Variants in RYR2 observed in about 807,000 individuals in gnomAD.
The protein encoded by RYR2 is cardiac muscle ryanodine receptor-calcium release channel.
In RYR2, 227 loss-of-function variants were observed where a neutral mutation model predicts 601.1. The ratio of observed to expected loss-of-function variants is 0.38; its 90% CI spans 0.34 to 0.42. The LOEUF is 0.42. RYR2 is among the 10% of genes least tolerant of loss of function. RYR2 has a pLI of 1.00. For missense variants in RYR2, 4,646 were observed against 6,156.5 expected, an observed-to-expected ratio of 0.75 and a Z score of 8.21; for synonymous variants, 2,223 against 2,175.1, an observed-to-expected ratio of 1.02 and a Z score of -0.61.
chr1:237,554,489 T>G (rs1487163917), intron 27 of RYR2, among the ~76,000 whole-genome samples: 4 of 151,976 alleles, frequency 2.6e-5, no homozygotes, highest in Non-Finnish European at 5.9e-5. Context: ...TTGATATCAA[T>G]GTAAATCTAG....
chr1:237,730,437 C>A (rs1264116464), intron 77 of RYR2, 81 bp downstream of exon 77: 11 of 713,814 alleles, frequency 1.5e-5, no homozygotes, highest in Admixed American at 1.2e-4. Context: ...CATTATATAA[C>A]ATTGAAGGAA....
At chr1:237,481,494 T>A (rs1662088171) in intron 17 of RYR2, among the ~76,000 whole-genome samples, 1 of 152,228 alleles carries the variant, frequency 6.6e-6, no homozygotes, top group South Asian at 2.1e-4. Flanking sequence ...CATTCAACTC[T>A]TGCTATTTGT....
chr1:237,277,062 C>A (rs1690363114), intron 2 of RYR2, among the ~76,000 whole-genome samples: 1 of 152,058 alleles, frequency 6.6e-6, no homozygotes, highest in Non-Finnish European at 1.5e-5. Flanking sequence ...GCATTAAAAT[C>A]TTTATCATGA....
intron 22 of RYR2, among the ~76,000 whole-genome samples, chr1:237,504,830 T>G (rs1665049900): frequency 1.3e-5 from 2 of 151,948 alleles, no homozygotes; most frequent in Admixed American, 6.6e-5. Flanking sequence ...CACGAGCCGG[T>G]GGGCTGGGGT....
intron 1 of RYR2, among the ~76,000 whole-genome samples, chr1:237,175,437 T>C (rs796610444): frequency 3.3e-5 from 5 of 152,326 alleles, no homozygotes; most frequent in African/African-American, 1.2e-4. Context: ...TTAAGTATTC[T>C]GTAGAGTTAT....
chr1:237,177,386 A>G (rs2148934027), intron 1 of RYR2, among the ~76,000 whole-genome samples: 1 of 152,364 alleles, frequency 6.6e-6, no homozygotes, highest in East Asian at 1.9e-4. Context: ...ACTAACTTTC[A>G]GTGGTTCTCT....
chr1:237,813,804 C>T (rs1661498386), intron 100 of RYR2, among the ~76,000 whole-genome samples: 2 of 152,098 alleles, frequency 1.3e-5, no homozygotes, highest in Non-Finnish European at 2.9e-5. Flanking sequence ...TATTTATGAC[C>T]AGCTCTGTTG....
chr1:237,247,466 A>G (rs1314661948), intron 1 of RYR2, among the ~76,000 whole-genome samples: 1 of 152,174 alleles, frequency 6.6e-6, no homozygotes, highest in Admixed American at 6.5e-5. Flanking sequence ...CGAAGAAGGG[A>G]ACAGTAAAAG....
intron 10 of RYR2, among the ~76,000 whole-genome samples, chr1:237,414,445 T>C (rs1486590949): frequency 6.6e-6 from 1 of 152,174 alleles, no homozygotes; most frequent in African/African-American, 2.4e-5. Flanking sequence ...ACTTAGAAAC[T>C]CTGGGGATGG....
intron 1 of RYR2, chr1:237,267,595 C>A: frequency 3.2e-6 from 1 of 312,940 alleles, no homozygotes; most frequent in Admixed American, 4.0e-5. Flanking sequence ...TTTCTGGGTC[C>A]CTTTCTGGGC....
intron 18 of RYR2, among the ~76,000 whole-genome samples, chr1:237,492,540 A>T (rs569431681): frequency 4.6e-5 from 7 of 152,232 alleles, no homozygotes; most frequent in Admixed American, 3.9e-4. Flanking sequence ...TGAAGGGGGA[A>T]TTCGAATCAG....
At chr1:237,764,699 G>A (rs535066121) in intron 84 of RYR2, among the ~76,000 whole-genome samples, 71 of 151,848 alleles carry the variant, frequency 4.7e-4, no homozygotes, top group African/African-American at 1.7e-3. Context: ...CACCCACCTC[G>A]GCCTCCCAAA....
chr1:237,590,784 G>T lies in RYR2; in HGVS notation c.3952G>T (p.Val1318Leu). 1.9e-6 allele frequency: 3 copies of T among 1,613,940 alleles called. No individual in the cohort carries two copies. The South Asian group carries it at 3.3e-5, about 18-fold the overall frequency. ...IECAEVFSKT[V>L]AGGLPGAGLF... ...GTGCGCGGAGGTCTTCTCCAAGACGGTGGCTGGAGGGCTCCCTGGGGCTGG... is the reference window on the plus strand; with the variant it reads ...GTGCGCGGAGGTCTTCTCCAAGACGTTGGCTGGAGGGCTCCCTGGGGCTGG... Residue 1318 changes from valine (V) to leucine (L), a missense_variant, in exon 31 of 105, where the codon GTG becomes TTG. Around this residue, in one of 17 missense-constraint regions of RYR2, gnomAD observed 1,807 missense variants for 2,088.1 expected, o/e 0.87. Coordinates refer to ENST00000366574, the MANE Select transcript of RYR2 (RefSeq NM_001035.3).
intron 5 of RYR2, among the ~76,000 whole-genome samples, chr1:237,365,442 A>G (rs1038839952): frequency 6.6e-6 from 1 of 152,284 alleles, no homozygotes; most frequent in Middle Eastern, 3.4e-3. Flanking sequence ...AGAACAGAGT[A>G]TTTCTTTGAA....
intron 1 of RYR2, among the ~76,000 whole-genome samples, chr1:237,251,644 A>G (rs1350679296): frequency 1.3e-5 from 2 of 152,082 alleles, no homozygotes; most frequent in Non-Finnish European, 2.9e-5. Flanking sequence ...TAGTGATCTC[A>G]GCTGGTATCA....
chr1:237,779,365 C>T (rs907959275), intron 88 of RYR2, among the ~76,000 whole-genome samples: 1 of 152,154 alleles, frequency 6.6e-6, no homozygotes, highest in Non-Finnish European at 1.5e-5. Flanking sequence ...GTATTTGTTT[C>T]ATTTGAAACA....
In RYR2 at chr1:237,726,275, G is replaced by A; in HGVS notation, c.10692G>A (p.Lys3564=). 6.3e-7 allele frequency: 1 copy of A among 1,580,918 alleles called. No homozygotes were observed. Among genetic ancestry groups the A allele is most frequent in the East Asian group, 2.3e-5 (1 of 44,250 alleles). The change falls in exon 75 of 105, where the codon AAG becomes AAA. Residue 3564 remains lysine (K), a splice_region_variant and synonymous_variant. Coordinates refer to ENST00000366574, the MANE Select transcript of RYR2 (RefSeq NM_001035.3). ...CATAACATTTTTATTTCTTTCAGAA[G>A]TCTAAACGTGTGGGTCGGAGACATT... is the stretch of plus-strand genomic sequence containing the variant. The part of the protein sequence containing the change: ...IANVLFHLEQ[K]SKRVGRRHYC...
chr1:237,753,056 C>A lies in RYR2; in HGVS notation c.11146-3232C>A, dbSNP rs553662148. On this transcript the variant is annotated intron_variant, in intron 80 of 104. Transcript: ENST00000366574. ...GCACAGATGATAGATTTGGTAGATT[C>A]AGCCTGTCAGTCGCTCAGGTTCTGC... 2.0e-5 allele frequency among the ~76,000 whole-genome samples: 3 copies of A among 152,322 alleles called. No homozygotes were observed. In the South Asian group the frequency reaches 6.2e-4, roughly 32 times the overall value.
At chr1:237,830,673 G>A (rs747854062) in intron 103 of RYR2, 43 bp downstream of exon 103, 19 of 946,064 alleles carry the variant, frequency 2.0e-5, no homozygotes, top group Non-Finnish European at 2.7e-5. Flanking sequence ...TCCAGTAGAC[G>A]CCACTGGTCC....
Sources: gnomAD v4.1 joint callset for allele counts (sites outside exome capture counted in the v4.1 genomes callset) on GRCh38, gnomAD v4.1.1 for gene constraint, gnomAD v4.1.1 regional missense constraint, MANE v1.5 for transcripts, NCBI Gene and HGNC (gene_info 2026-07-23, HGNC 2026-07-21) for gene names.